STAC: variants seen among roughly 807,000 people sequenced by gnomAD.
The protein encoded by STAC is SH3 and cysteine rich domain.
STAC carries 43 observed loss-of-function variants against 48.8 expected under a neutral mutation model. That is an observed-to-expected ratio of 0.88 (90% CI 0.69 to 1.14). The LOEUF is 1.14. Ranked by LOEUF, STAC falls within the 50% of genes most tolerant of loss-of-function variation. The probability of loss-of-function intolerance (pLI) is 0.00; values close to 1 mark genes in which losing one functional copy is unlikely to be tolerated. For missense variants in STAC, 497 were observed against 504.0 expected (o/e 0.99, Z 0.13); for synonymous variants, 193 against 179.5 (o/e 1.07, Z -0.60).
chr3:36,446,205 T>G (rs941250079), intron 2 of STAC, among the ~76,000 whole-genome samples: 1 of 152,248 alleles, frequency 6.6e-6, no homozygotes, highest in Non-Finnish European at 1.5e-5. Context: ...TTCAACACAC[T>G]GCTACCCTTT....
Position 36,461,303 on chromosome 3 carries a change from T to C in STAC, c.388+17663T>C, listed in dbSNP as rs1041754152. 2.0e-5 allele frequency among the ~76,000 whole-genome samples: 3 copies of C among 152,336 alleles called. No individual in the cohort carries two copies. The East Asian group carries it at 5.8e-4, about 29-fold the overall frequency. On this transcript the variant is annotated intron_variant, in intron 2 of 10. Transcript: ENST00000273183. The stretch of plus-strand genomic sequence containing the variant: ...TATTTAATAAGCATGCTGAGTATTA[T>C]TAATATCAGACACCTTTGCATTTTT...
intron 3 of STAC, among the ~76,000 whole-genome samples, chr3:36,484,227 C>G (rs1162285039): frequency 6.6e-6 from 1 of 152,150 alleles, no homozygotes; most frequent in Non-Finnish European, 1.5e-5. Flanking sequence ...TTCACCCCCT[C>G]CCATCACTGA....
chr3:36,527,231 A>T (rs1698958070), intron 8 of STAC, among the ~76,000 whole-genome samples: 1 of 152,252 alleles, frequency 6.6e-6, no homozygotes, highest in African/African-American at 2.4e-5. Context: ...GGATAGGCCA[A>T]CTAATTTCAG....
chr3:36,482,605 T>G (rs963852615), intron 2 of STAC, among the ~76,000 whole-genome samples: 6 of 152,102 alleles, frequency 3.9e-5, no homozygotes, highest in Non-Finnish European at 8.8e-5. Context: ...TCAGTTCCTG[T>G]GATAGAAATA....
At chr3:36,406,760 T>C (rs904436013) in intron 1 of STAC, among the ~76,000 whole-genome samples, 1 of 152,172 alleles carries the variant, frequency 6.6e-6, no homozygotes, top group African/African-American at 2.4e-5. Context: ...TAATGCAGAG[T>C]TGAGTAGTAG....
intron 2 of STAC, among the ~76,000 whole-genome samples, 182 bp from the exon 3 acceptor site, chr3:36,482,810 T>C (rs1180404553): frequency 6.6e-6 from 1 of 152,188 alleles, no homozygotes; most frequent in Non-Finnish European, 1.5e-5. Context: ...GTGTATACCT[T>C]AGGTAGAAAA....
intron 2 of STAC, among the ~76,000 whole-genome samples, chr3:36,454,389 G>A (rs1335006094): frequency 6.6e-6 from 1 of 151,878 alleles, no homozygotes; most frequent in Non-Finnish European, 1.5e-5. Flanking sequence ...CTGAGCCAGC[G>A]AGACCACGAA....
At position 36,493,128 on chromosome 3, in the gene STAC, T is replaced by C. The variant is rs1242810115; in HGVS notation, c.688-23T>C. The C allele has an allele frequency of 2.5e-6, 4 of 1,594,762 alleles. No individual in the cohort carries two copies. The African/African-American group carries it at 4.1e-5, about 16-fold the overall frequency. The stretch of plus-strand genomic sequence containing the variant: ...CACAGATATAACATTGTTCATCCCA[T>C]GCTCTTTCTTCTTTCCTCCAAGACT... On this transcript the variant is annotated intron_variant, in intron 5 of 10. Coordinates refer to ENST00000273183, the MANE Select transcript of STAC (RefSeq NM_003149.3).
At chr3:36,502,440 A>G (rs1698302867) in intron 6 of STAC, among the ~76,000 whole-genome samples, 1 of 152,212 alleles carries the variant, frequency 6.6e-6, no homozygotes, top group Admixed American at 6.5e-5. Context: ...GAAAACATAT[A>G]TAGGGTCACT....
chr3:36,545,104 G>GTT (rs1559533045), intron 10 of STAC, among the ~76,000 whole-genome samples: 1 of 152,156 alleles, frequency 6.6e-6, no homozygotes, highest in African/African-American at 2.4e-5. Context: ...CAGTTGCTAT[G>GTT]TTGGCCACGA....
chr3:36,501,093 A>G (rs936720518), intron 6 of STAC, among the ~76,000 whole-genome samples: 2 of 152,210 alleles, frequency 1.3e-5, no homozygotes, highest in Non-Finnish European at 2.9e-5. Flanking sequence ...CCTTGTCTCA[A>G]AAACAAAGAA....
At chr3:36,544,406 G>T (rs1215907388) in intron 10 of STAC, among the ~76,000 whole-genome samples, 1 of 152,160 alleles carries the variant, frequency 6.6e-6, no homozygotes, top group African/African-American at 2.4e-5. Flanking sequence ...CTGACCCCAA[G>T]TGATCCACCC....
chr3:36,416,898 G>A (rs1279679436), intron 1 of STAC, among the ~76,000 whole-genome samples: 1 of 152,142 alleles, frequency 6.6e-6, no homozygotes, highest in African/African-American at 2.4e-5. Context: ...GCTTCCTCTG[G>A]TACTGTTACC....
chr3:36,537,355 A>G (rs1380080467), intron 10 of STAC, among the ~76,000 whole-genome samples: 1 of 152,354 alleles, frequency 6.6e-6, no homozygotes, highest in Non-Finnish European at 1.5e-5. Flanking sequence ...ATAGAATACT[A>G]TGCAGCCATA....
chr3:36,530,043 CA>C (rs1699027217), intron 10 of STAC, among the ~76,000 whole-genome samples: 1 of 152,142 alleles, frequency 6.6e-6, no homozygotes, highest in Admixed American at 6.5e-5. Flanking sequence ...TCTCTTGAAC[CA>C]GGGAGGTGGA....
chr3:36,476,472 T>C (rs546665318), intron 2 of STAC, among the ~76,000 whole-genome samples: 4 of 152,302 alleles, frequency 2.6e-5, no homozygotes, highest in African/African-American at 9.6e-5. Context: ...CCAGCCACCC[T>C]TACCAGAAAC....
intron 1 of STAC, among the ~76,000 whole-genome samples, chr3:36,420,818 TTAAG>T (rs1700433452): frequency 1.3e-5 from 2 of 152,250 alleles, no homozygotes; most frequent in African/African-American, 2.4e-5. Context: ...ATCTGTTTCA[TTAAG>T]TATTTGTGAT....
At chr3:36,545,342 T>C (rs1020301853) in intron 10 of STAC, among the ~76,000 whole-genome samples, 2 of 152,204 alleles carry the variant, frequency 1.3e-5, no homozygotes, top group African/African-American at 4.8e-5. Context: ...TGAAAACCTC[T>C]CATTGCTGGG....
At chr3:36,469,428 C>T (rs563484702) in intron 2 of STAC, among the ~76,000 whole-genome samples, 1 of 152,288 alleles carries the variant, frequency 6.6e-6, no homozygotes, top group South Asian at 2.1e-4. Context: ...TCCCTTCCAG[C>T]TTATAAGATT....
Sources: allele counts gnomAD v4.1 joint callset (sites outside exome capture counted in the v4.1 genomes callset), GRCh38; gene constraint gnomAD v4.1.1; transcripts MANE v1.5; gene names NCBI Gene and HGNC (gene_info 2026-07-23, HGNC 2026-07-21).